GSS: variants seen among roughly 807,000 people sequenced by gnomAD.
GSS encodes glutathione synthetase.
Under a neutral mutation model 60.4 loss-of-function variants are expected in GSS, and 34 were observed. That is an observed-to-expected ratio of 0.56 (90% CI 0.43 to 0.75). The LOEUF (loss-of-function observed/expected upper bound fraction) is 0.75. Among genes scored for constraint, GSS ranks in the 30% least tolerant of loss-of-function variants. The pLI is 0.00. For synonymous variants in GSS, 224 were observed against 239.0 expected (o/e 0.94, Z 0.58); for missense variants, 499 against 595.1 (o/e 0.84, Z 1.68).
At chr20:34,930,330 G>C (rs111787279) in intron 11 of GSS, among the ~76,000 whole-genome samples, 11 of 151,570 alleles carry the variant, frequency 7.3e-5, no homozygotes, top group African/African-American at 2.4e-4. Flanking sequence ...GACATCATAT[G>C]ACTGGCCCCC....
chr20:34,943,583 TTTTG>T (rs1219418288), intron 3 of GSS, among the ~76,000 whole-genome samples: 2 of 152,162 alleles, frequency 1.3e-5, no homozygotes, highest in African/African-American at 2.4e-5. Flanking sequence ...CCTGGGTTTT[TTTTG>T]TTTGTTTGTT....
At chr20:34,947,229 AG>A (rs2081529826) in intron 2 of GSS, among the ~76,000 whole-genome samples, 1 of 152,022 alleles carries the variant, frequency 6.6e-6, no homozygotes, top group Non-Finnish European at 1.5e-5. Flanking sequence ...CTGAGACTAC[AG>A]GTGTGTGCCA....
intron 9 of GSS, 130 bp from the exon 10 acceptor site, chr20:34,932,263 T>G: frequency 1.3e-6 from 1 of 789,386 alleles, no homozygotes; most frequent in Non-Finnish European, 2.2e-6. Flanking sequence ...AGGATCATTC[T>G]AACATCCTTG....
At chr20:34,937,044 G>A (rs1468464992) in intron 6 of GSS, 21 bp from the exon 7 acceptor site, 2 of 1,571,108 alleles carry the variant, frequency 1.3e-6, no homozygotes, top group Admixed American at 3.3e-5. Flanking sequence ...AGCACAGGTG[G>A]CCCGAGGCTA....
At chr20:34,931,487 G>C (rs2081401489) in intron 10 of GSS, 70 bp from the exon 11 acceptor site, 1 of 1,202,212 alleles carries the variant, frequency 8.3e-7, no homozygotes, top group South Asian at 1.2e-5. Flanking sequence ...GGTCCAGCTG[G>C]TTATGCAGAG....
At chr20:34,929,698 C>A in intron 11 of GSS, 108 bp from the exon 12 acceptor site, 1 of 941,582 alleles carries the variant, frequency 1.1e-6, no homozygotes, top group Non-Finnish European at 1.7e-6. Flanking sequence ...TTCCTGGCAC[C>A]CGCTCAGTGA....
intron 9 of GSS, 63 bp from the exon 10 acceptor site, chr20:34,932,196 C>T: frequency 7.9e-7 from 1 of 1,261,720 alleles, no homozygotes; most frequent in Non-Finnish European, 1.2e-6. Flanking sequence ...GTTTACTGAA[C>T]ATCCATCCAT....
At chr20:34,943,823 C>T (rs2081502730) in intron 3 of GSS, among the ~76,000 whole-genome samples, 1 of 152,200 alleles carries the variant, frequency 6.6e-6, no homozygotes, top group African/African-American at 2.4e-5. Flanking sequence ...CTCATCGTCA[C>T]AGCTCAGTGT....
At chr20:34,951,896 T>C (rs759468996) in intron 1 of GSS, 36 bp from the exon 2 acceptor site, 3 of 1,610,866 alleles carry the variant, frequency 1.9e-6, no homozygotes, top group South Asian at 1.1e-5. Flanking sequence ...TGGTAACAGA[T>C]GGCCTGAAGC....
rs1303788392 is a variant in GSS at position 34,942,579 on chromosome 20, C to T, written c.400G>A (p.Ala134Thr). 18 of 1,613,824 alleles carry T rather than the reference C, an allele frequency of 1.1e-5. No individual in the cohort carries two copies. The highest frequency in any genetic ancestry group is 1.6e-4 in the Middle Eastern group (1 of 6,082). ...TGTTTCAGGGCTGGGGAGCCATCTG[C>T]GCTGCGCTGGAACATGTAGTCTGAG... The part of the protein sequence containing the change: ...NRSDYMFQRS[A>T]DGSPALKQIE... Residue 134 changes from alanine (A) to threonine (T), a missense_variant, in exon 5 of 13, where the codon GCA becomes ACA. Ala to Thr is a moderately conservative substitution (Grantham distance 58, BLOSUM62 0). Coordinates refer to ENST00000651619, the MANE Select transcript of GSS (RefSeq NM_000178.4).
intron 1 of GSS, chr20:34,955,056 C>G (rs1395165527): frequency 6.6e-6 from 1 of 152,174 alleles, no homozygotes; most frequent in Non-Finnish European, 1.5e-5. Flanking sequence ...TTGGCACGTG[C>G]TGTCTTCTCT....
At chr20:34,937,462 G>A (rs996249450) in intron 6 of GSS, among the ~76,000 whole-genome samples, 8 of 152,094 alleles carry the variant, frequency 5.3e-5, no homozygotes, top group Non-Finnish European at 8.8e-5. Flanking sequence ...CAGGGGGTCC[G>A]GGGCTAATGG....
chr20:34,951,779 C>G lies in GSS; in HGVS notation c.74G>C (p.Arg25Pro), dbSNP rs752323999. The G allele has an allele frequency of 1.2e-6, 2 of 1,613,726 alleles. No individual in the cohort carries two copies. Among genetic ancestry groups the G allele is most frequent in the Non-Finnish European group, 1.7e-6 (2 of 1,179,896 alleles). The change falls in exon 2 of 13, where the codon CGG (arginine) becomes CCG (proline). Residue 25 changes from arginine to proline, a missense_variant. Coordinates refer to ENST00000651619, the MANE Select transcript of GSS (RefSeq NM_000178.4). ...LEELARQAVD[R>P]ALAEGVLLRT... ...CAGCAATACTCCCTCAGCCAGGGCC[C>G]GGTCCACGGCCTGCCGTGCCAGCTC...
At chr20:34,930,185 G>A (rs2081389644) in intron 11 of GSS, among the ~76,000 whole-genome samples, 1 of 151,150 alleles carries the variant, frequency 6.6e-6, no homozygotes, top group Non-Finnish European at 1.5e-5. Flanking sequence ...AGAATCGCTT[G>A]AACCTGGGAG....
chr20:34,954,429 C>T (rs1008006098), intron 1 of GSS: 1 of 152,870 alleles, frequency 6.5e-6, no homozygotes, highest in Non-Finnish European at 1.5e-5. Flanking sequence ...TGGCGCATGC[C>T]TGTAATCCGA....
At chr20:34,939,273 T>G (rs2081465321) in intron 6 of GSS, among the ~76,000 whole-genome samples, 2 of 152,102 alleles carry the variant, frequency 1.3e-5, no homozygotes, top group African/African-American at 4.8e-5. Context: ...GTTAAAAAGA[T>G]CACAGTTCCC....
chr20:34,936,633 G>C (rs2147125398), intron 8 of GSS, 130 bp downstream of exon 8: 1 of 832,712 alleles, frequency 1.2e-6, no homozygotes, highest in Non-Finnish European at 2.1e-6. Flanking sequence ...GGGAGGATGA[G>C]ATATTTCAGG....
chr20:34,932,823 A>C (rs569037544), intron 9 of GSS, among the ~76,000 whole-genome samples: 43 of 151,744 alleles, frequency 2.8e-4, no homozygotes, highest in Admixed American at 2.3e-3. Flanking sequence ...CACAAATCCC[A>C]ATTTTTTTTT....
chr20:34,953,868 A>G (rs919796382), intron 1 of GSS, among the ~76,000 whole-genome samples: 1 of 151,928 alleles, frequency 6.6e-6, no homozygotes, highest in African/African-American at 2.4e-5. Context: ...CGGCCTCCCA[A>G]AGTGCTGGGA....
Sources: allele counts gnomAD v4.1 joint callset (sites outside exome capture counted in the v4.1 genomes callset), GRCh38; gene constraint gnomAD v4.1.1; transcripts MANE v1.5; gene names NCBI Gene and HGNC (gene_info 2026-07-23, HGNC 2026-07-21).